The following FBN3 variants were observed in gnomAD, a reference collection of about 807,000 sequenced individuals.
FBN3 encodes fibrillin 3.
In FBN3, 234 loss-of-function variants were observed where a neutral mutation model predicts 330.1. That is an observed-to-expected ratio of 0.71 (90% CI 0.64 to 0.79). The LOEUF (loss-of-function observed/expected upper bound fraction) is 0.79. FBN3 is among the 30% of genes least tolerant of loss of function. The pLI, the probability that FBN3 is intolerant of heterozygous loss-of-function variation, is 0.00. For missense variants in FBN3, 3,606 were observed against 3,886.9 expected, an observed-to-expected ratio of 0.93 and a Z score of 1.92; for synonymous variants, 1,458 against 1,517.3, an observed-to-expected ratio of 0.96 and a Z score of 0.91.
At chr19:8,115,695 G>T (rs2082690695) in intron 29 of FBN3, 55 bp from the exon 30 acceptor site, 2 of 1,596,334 alleles carry the variant, frequency 1.3e-6, no homozygotes, top group Non-Finnish European at 1.7e-6. Flanking sequence ...TGACAGGAGA[G>T]GAAGTAGGTG....
chr19:8,118,288 G>A (rs938160697), intron 26 of FBN3, among the ~76,000 whole-genome samples: 3 of 151,078 alleles, frequency 2.0e-5, no homozygotes, highest in African/African-American at 4.9e-5. Flanking sequence ...ACAGACTTAC[G>A]TACAAACACA....
Position 8,131,627 on chromosome 19 carries a change from C to T in FBN3, c.1917G>A (p.Lys639=). 2 of 1,614,208 alleles carry T rather than the reference C, an allele frequency of 1.2e-6. No individual in the cohort carries two copies. The highest frequency in any genetic ancestry group is 1.7e-5 in the Admixed American group (1 of 60,026). Residue 639 remains lysine (K), a synonymous_variant, in exon 15 of 64, where the codon AAG becomes AAA. Transcript: ENST00000600128. The surrounding 1 kb of genome is among the most constrained non-coding windows in gnomAD (Gnocchi z 4.5). ...CARPFPGTVT[K]SECCCANPDH... The stretch of plus-strand genomic sequence containing the variant: ...CCGGATTGGCACAGCAGCACTCGGA[C>T]TTGGTGACAGTGCCAGGGAAGGGGC...
intron 13 of FBN3, 22 bp downstream of exon 13, chr19:8,135,939 C>CCCCCCCCCCCCCCA: frequency 2.6e-6 from 1 of 385,872 alleles, no homozygotes. Flanking sequence ...AGCCCCTGCC[C>CCCCCCCCCCCCCCA]ACCCGCCCAC....
In FBN3 at chr19:8,123,925, A is replaced by G; in HGVS notation, c.2815T>C (p.Cys939Arg). 4 of 1,614,134 alleles carry G rather than the reference A, an allele frequency of 2.5e-6. No individual in the cohort carries two copies. Among genetic ancestry groups the G allele is most frequent in the Non-Finnish European group, 3.4e-6 (4 of 1,180,014 alleles). The change falls in exon 23 of 64, where the codon TGC (cysteine) becomes CGC (arginine). Residue 939 changes from cysteine (C) to arginine (R), a missense_variant. Coordinates refer to ENST00000600128, the MANE Select transcript of FBN3 (RefSeq NM_032447.5). ...TLPGKYRMDVCCCSIGAVWGV... is the reference protein window; with the variant it reads ...TLPGKYRMDVRCCSIGAVWGV... ...CACACGGCCCCGATGGAGCAGCAGC[A>G]GACGTCCATCCGGTACTTGCCAGGC...
At chr19:8,082,452 C>T (rs1460917092) in intron 57 of FBN3, among the ~76,000 whole-genome samples, 1 of 92,278 alleles carries the variant, frequency 1.1e-5, no homozygotes, top group African/African-American at 4.0e-5. Context: ...TCCTTCCTTC[C>T]CTTCCCTTCC....
chr19:8,084,849 A>G (rs980324778), intron 56 of FBN3, among the ~76,000 whole-genome samples: 3 of 151,490 alleles, frequency 2.0e-5, no homozygotes, highest in African/African-American at 7.3e-5. Context: ...CAGCCTCCCA[A>G]AGTGCTGGGA....
At chr19:8,143,666 T>G (rs950538520) in intron 6 of FBN3, among the ~76,000 whole-genome samples, 167 of 152,100 alleles carry the variant, frequency 1.1e-3, no homozygotes, top group African/African-American at 3.9e-3. Flanking sequence ...TTTTTTTGTG[T>G]ATTTTTAGTA....
At chr19:8,144,801 G>T in intron 6 of FBN3, 76 bp downstream of exon 6, 1 of 1,218,198 alleles carries the variant, frequency 8.2e-7, no homozygotes, top group Non-Finnish European at 1.2e-6. Flanking sequence ...GCCTGGCCAT[G>T]TCTCAGGGAC....
chr19:8,087,462 T>C (rs561063100), intron 53 of FBN3, among the ~76,000 whole-genome samples: 73 of 152,248 alleles, frequency 4.8e-4, no homozygotes, highest in African/African-American at 1.8e-3. Flanking sequence ...AGTCTGCTCA[T>C]GGCCCCTGGA....
At position 8,115,640 on chromosome 19, in the gene FBN3, T is replaced by A; in HGVS notation, c.3713A>T (p.Asp1238Val). The A allele has an allele frequency of 6.2e-7, 1 of 1,613,716 alleles. No homozygotes were observed. Among genetic ancestry groups the A allele is most frequent in the East Asian group, 2.2e-5 (1 of 44,864 alleles). The change falls in exon 30 of 64, where the codon GAT (aspartate) becomes GTT (valine). Residue 1238 changes from aspartate to valine, a missense_variant and splice_region_variant. Asp to Val is a radical substitution (Grantham distance 152). Transcript: ENST00000600128. ...MATPDMRTCV[D>V]VDECDLNPHI... ...AGGGTTCAGGTCACACTCATCCACATCTGTTGGGGAAGAGAGCATGAGGTC... is the reference window on the plus strand; with the variant it reads ...AGGGTTCAGGTCACACTCATCCACAACTGTTGGGGAAGAGAGCATGAGGTC...
At chr19:8,145,776 C>A in intron 5 of FBN3, 67 bp downstream of exon 5, 5 of 1,261,022 alleles carry the variant, frequency 4.0e-6, no homozygotes, top group Non-Finnish European at 5.6e-6. Context: ...CAGGTGGCAG[C>A]AGAGACTAAT....
chr19:8,095,939 C>T (rs1301273144), intron 45 of FBN3, 25 bp downstream of exon 45: 1 of 1,495,750 alleles, frequency 6.7e-7, no homozygotes, highest in South Asian at 1.1e-5. Flanking sequence ...ACTTTGTGGC[C>T]AGCCTGCCAC....
chr19:8,124,640 C>T (rs994905445), intron 22 of FBN3, among the ~76,000 whole-genome samples: 2 of 151,558 alleles, frequency 1.3e-5, no homozygotes, highest in Admixed American at 1.3e-4. Flanking sequence ...CGGGTTCAAG[C>T]GATTCTCCTG....
intron 32 of FBN3, 138 bp downstream of exon 32, chr19:8,111,510 C>T: frequency 2.0e-6 from 2 of 1,008,298 alleles, no homozygotes; most frequent in African/African-American, 1.6e-5. Flanking sequence ...GGGCCGAGGA[C>T]ACAGCCTCTC....
At chr19:8,089,981 A>AC in intron 49 of FBN3, 22 bp from the exon 50 acceptor site, 1 of 1,595,946 alleles carries the variant, frequency 6.3e-7, no homozygotes, top group Non-Finnish European at 8.5e-7. Context: ...GGGGGAGGGG[A>AC]GTCAGAGTCA....
intron 59 of FBN3, among the ~76,000 whole-genome samples, chr19:8,077,059 C>T (rs746968064): frequency 1.2e-4 from 18 of 152,188 alleles, no homozygotes; most frequent in Non-Finnish European, 1.9e-4. Context: ...CCACTGCGCC[C>T]GGCCCAGTTT....
intron 29 of FBN3, 147 bp downstream of exon 29, chr19:8,116,527 G>A (rs2082708285): frequency 2.4e-6 from 2 of 826,402 alleles, no homozygotes; most frequent in Admixed American, 2.3e-5. Flanking sequence ...AGCAAGTGCT[G>A]TTACAAAGCC....
rs941913469 is a variant in FBN3 at position 8,088,118 on chromosome 19, T to C, written c.6438A>G (p.Gly2146=). The part of the protein sequence containing the change: ...CGQGTCTNVI[G]GFECACADGF... ...CGTCAGCACAGGCACATTCGAAGCC[T>C]CCGATGACATTGGTGCATGTCCCTT... The change falls in exon 52 of 64, where the codon GGA becomes GGG. Residue 2146 remains glycine (G), a synonymous_variant. Transcript: ENST00000600128. The C allele has an allele frequency of 1.5e-5, 24 of 1,613,770 alleles. No homozygotes were observed. The highest frequency in any genetic ancestry group is 1.3e-4 in the African/African-American group (10 of 74,860).
chr19:8,134,070 CAA>C (rs111976578), intron 13 of FBN3, among the ~76,000 whole-genome samples: 121,239 of 145,744 alleles, frequency 0.83, 53,545 homozygotes, highest in Non-Finnish European at 0.99. Flanking sequence ...ACTAAAAATA[CAA>C]AAAAAAAAAG....
Sources: allele counts gnomAD v4.1 joint callset (sites outside exome capture counted in the v4.1 genomes callset), GRCh38; gene constraint gnomAD v4.1.1; non-coding constraint Gnocchi (gnomAD v3.1); transcripts MANE v1.5; gene names NCBI Gene and HGNC (gene_info 2026-07-23, HGNC 2026-07-21).